Variants in STAG1 observed in about 807,000 individuals in gnomAD.
The protein encoded by STAG1 is cohesin subunit SA-1.
STAG1 carries 26 observed loss-of-function variants against 170.9 expected under a neutral mutation model. That is an observed-to-expected ratio of 0.15 (90% CI 0.11 to 0.21). The LOEUF (loss-of-function observed/expected upper bound fraction) is 0.21, where lower values mean the gene tolerates loss of function less well. STAG1 is among the 10% of genes least tolerant of loss of function. STAG1 has a pLI of 1.00. For missense variants in STAG1, 964 were observed against 1,509.5 expected (o/e 0.64, Z 5.99); for synonymous variants, 514 against 497.7 (o/e 1.03, Z -0.44).
intron 9 of STAG1, among the ~76,000 whole-genome samples, chr3:136,497,637 G>T (rs1220030163): frequency 2.0e-5 from 3 of 151,138 alleles, no homozygotes; most frequent in African/African-American, 7.3e-5. Flanking sequence ...TCAGGAGATC[G>T]AGACCACCCT....
At chr3:136,497,908 C>G (rs1434597564) in intron 9 of STAG1, among the ~76,000 whole-genome samples, 2 of 149,076 alleles carry the variant, frequency 1.3e-5, no homozygotes, top group Admixed American at 1.3e-4. Flanking sequence ...AATATTACAG[C>G]TAGGCCGGGC....
In STAG1 at chr3:136,422,518, T is replaced by C. The variant is rs1441217317; in HGVS notation, c.1929A>G (p.Leu643=). The C allele has an allele frequency of 1.9e-6, 3 of 1,613,936 alleles. No individual in the cohort carries two copies. In the African/African-American group the frequency reaches 4.0e-5, roughly 22 times the overall value. The change falls in exon 19 of 34, where the codon TTA becomes TTG. Residue 643 remains leucine, a synonymous_variant. Transcript: ENST00000383202. ...TCTGGATGGTATATTCTTCACTGCA[T>C]AAGATACTATAGGTTTTACTGCAGG... is the stretch of plus-strand genomic sequence containing the variant. The part of the protein sequence containing the change: ...LEACSKTYSI[L]CSEEYTIQNR...
At chr3:136,528,500 C>CA (rs906328526) in intron 6 of STAG1, among the ~76,000 whole-genome samples, 22 of 138,040 alleles carry the variant, frequency 1.6e-4, no homozygotes, top group East Asian at 7.9e-4. Context: ...CCGCACCCCC[C>CA]CCCCCAAAAA....
intron 4 of STAG1, among the ~76,000 whole-genome samples, chr3:136,577,401 C>T (rs1405747127): frequency 2.6e-5 from 4 of 152,144 alleles, no homozygotes; most frequent in Non-Finnish European, 5.9e-5. Flanking sequence ...AAGTAAGGAT[C>T]TTAACTGGCA....
At chr3:136,605,860 T>C (rs1938905603) in intron 3 of STAG1, among the ~76,000 whole-genome samples, 2 of 152,310 alleles carry the variant, frequency 1.3e-5, no homozygotes, top group South Asian at 4.1e-4. Context: ...AAGGCATAGC[T>C]TGGAGGGGCT....
chr3:136,452,135 T>C lies in STAG1; in HGVS notation c.1326A>G (p.Arg442=). The change falls in exon 14 of 34, where the codon AGA becomes AGG. Residue 442 remains arginine, a synonymous_variant. Coordinates refer to ENST00000383202, the MANE Select transcript of STAG1 (RefSeq NM_005862.3). The stretch of plus-strand genomic sequence containing the variant: ...ATGCTTCTTCTGCTTGTGGGTCATG[T>C]CTGCTAAATAGCCTGGAAATGAAAA... ...GEFLHKKLFS[R]HDPQAEEALA... The C allele has an allele frequency of 6.2e-7, 1 of 1,612,486 alleles. No homozygotes were observed. Among genetic ancestry groups the C allele is most frequent in the Non-Finnish European group, 8.5e-7 (1 of 1,179,156 alleles).
chr3:136,403,224 T>TAAAG (rs2087382391), intron 21 of STAG1, among the ~76,000 whole-genome samples: 1 of 33,600 alleles, frequency 3.0e-5, no homozygotes, highest in Non-Finnish European at 4.7e-5. Flanking sequence ...GAGACTGTCT[T>TAAAG]AAAAAAAAAA....
At chr3:136,347,201 G>A (rs1936258659) in intron 29 of STAG1, among the ~76,000 whole-genome samples, 1 of 151,678 alleles carries the variant, frequency 6.6e-6, no homozygotes, top group Non-Finnish European at 1.5e-5. Flanking sequence ...TTCGAGACCA[G>A]CCTGGCCAAC....
At chr3:136,599,993 T>C (rs112473639) in intron 4 of STAG1, among the ~76,000 whole-genome samples, 102 of 152,296 alleles carry the variant, frequency 6.7e-4, no homozygotes, top group African/African-American at 2.4e-3. Context: ...TCAGACTCTT[T>C]CCTAAAACAA....
Position 136,360,893 on chromosome 3 carries a change from C to T in STAG1, c.2788-1597G>A, listed in dbSNP as rs1026139841. On this transcript the variant is annotated intron_variant, in intron 26 of 33. Transcript: ENST00000383202. ...CCATGTTAGCCAGGATGGTCTCGAT[C>T]TCCTGATCTTGTGATCTGCCCGCCT... Among the ~76,000 whole-genome samples, 4 of 152,138 alleles carry T rather than the reference C, an allele frequency of 2.6e-5. No homozygotes were observed. In the East Asian group the frequency reaches 5.8e-4, roughly 22 times the overall value.
intron 5 of STAG1, among the ~76,000 whole-genome samples, chr3:136,563,740 G>A (rs1238999629): frequency 6.6e-6 from 1 of 151,956 alleles, no homozygotes; most frequent in East Asian, 1.9e-4. Context: ...CCAGAGAAAG[G>A]CCGGGCACGG....
intron 2 of STAG1, among the ~76,000 whole-genome samples, chr3:136,626,731 T>A (rs1026202473): frequency 1.2e-4 from 18 of 152,192 alleles, no homozygotes; most frequent in Non-Finnish European, 5.9e-5. Flanking sequence ...AGACTATGTG[T>A]CAGTTTACAT....
At chr3:136,568,320 C>T (rs930192034) in intron 5 of STAG1, among the ~76,000 whole-genome samples, 1 of 152,098 alleles carries the variant, frequency 6.6e-6, no homozygotes, top group Non-Finnish European at 1.5e-5. Context: ...ACTTAAGACA[C>T]CTGATTCTGC....
intron 3 of STAG1, among the ~76,000 whole-genome samples, chr3:136,615,043 A>G (rs1336996628): frequency 6.6e-6 from 1 of 152,228 alleles, no homozygotes; most frequent in Non-Finnish European, 1.5e-5. Flanking sequence ...ACCTTCTAAG[A>G]GAAACATTAT....
chr3:136,613,313 C>CAAAAAAAAAAAAAAA lies in STAG1; in HGVS notation c.133-8855_133-8841dup, dbSNP rs60449608. 5.2e-4 allele frequency among the ~76,000 whole-genome samples: 31 copies of CAAAAAAAAAAAAAAA among 59,742 alleles called. 1 individual carries two copies. Among genetic ancestry groups the CAAAAAAAAAAAAAAA allele is most frequent in the South Asian group, 9.1e-4 (1 of 1,096 alleles). 39.2% of individuals were successfully genotyped at this position (59,742 alleles called of 152,430 possible). On this transcript the variant is annotated intron_variant, in intron 3 of 33. Transcript: ENST00000383202. ...AAGTGAACAGAGTGAGACTCCGTCT[C>CAAAAAAAAAAAAAAA]AAAAAAAAAAAAAAAAAAAAAAGAA...
chr3:136,391,382 T>C (rs1308549925), intron 22 of STAG1, among the ~76,000 whole-genome samples: 169 of 149,228 alleles, frequency 1.1e-3, no homozygotes, highest in African/African-American at 2.4e-3. Context: ...TTTTTTTTTT[T>C]TTTTTCTTTT....
rs564312880 is a variant in STAG1, at chr3:136,731,630, C to T, written c.-84+20565G>A. Among the ~76,000 whole-genome samples the T allele has an allele frequency of 1.1e-4, 17 of 152,310 alleles. No homozygotes were observed. In the East Asian group the frequency reaches 2.7e-3, roughly 24 times the overall value. On this transcript the variant is annotated intron_variant, in intron 1 of 33. Transcript: ENST00000383202. ...TACCTAAGTTCTGAGTCTTCATATG[C>T]CCCTCCTTGTGTACTTCGGGAAAAC... is the stretch of plus-strand genomic sequence containing the variant.
At chr3:136,606,760 T>C (rs923956039) in intron 3 of STAG1, among the ~76,000 whole-genome samples, 1 of 148,454 alleles carries the variant, frequency 6.7e-6, no homozygotes, top group African/African-American at 2.6e-5. Flanking sequence ...CTTTTTTTTT[T>C]TTTTTTTGGG....
intron 4 of STAG1, among the ~76,000 whole-genome samples, chr3:136,579,426 A>C (rs1224680348): frequency 6.6e-6 from 1 of 152,104 alleles, no homozygotes; most frequent in African/African-American, 2.4e-5. Flanking sequence ...TTAGGCTGCA[A>C]TCAAGGCACT....
Sources: gnomAD v4.1 joint callset for allele counts (sites outside exome capture counted in the v4.1 genomes callset) on GRCh38, gnomAD v4.1.1 for gene constraint, MANE v1.5 for transcripts, NCBI Gene and HGNC (gene_info 2026-07-23, HGNC 2026-07-21) for gene names.